Variants in SH3KBP1 observed in about 807,000 individuals in gnomAD.
The protein encoded by SH3KBP1 is SH3 domain-containing kinase-binding protein 1.
Under a neutral mutation model 50.1 loss-of-function variants are expected in SH3KBP1, and 8 were observed. The ratio of observed to expected loss-of-function variants is 0.16; its 90% CI spans 0.09 to 0.29. The LOEUF (loss-of-function observed/expected upper bound fraction) is 0.29. Among genes scored for constraint, SH3KBP1 ranks in the 10% least tolerant of loss-of-function variants. The probability of loss-of-function intolerance (pLI) is 1.00; values close to 1 mark genes in which losing one functional copy is unlikely to be tolerated. For missense variants in SH3KBP1, 377 were observed against 535.2 expected, an observed-to-expected ratio of 0.70 and a Z score of 2.92; for synonymous variants, 227 against 218.6, an observed-to-expected ratio of 1.04 and a Z score of -0.34.
At chrX:19,822,390 T>G (rs2067553451) in intron 2 of SH3KBP1, among the ~76,000 whole-genome samples, 1 of 112,429 alleles carries the variant, frequency 8.9e-6, no homozygotes, top group African/African-American at 3.2e-5. Flanking sequence ...TCAGACTAAG[T>G]AAGTTTCATT....
chrX:19,852,613 G>T, intron 1 of SH3KBP1, among the ~76,000 whole-genome samples: 1 of 89,168 alleles, frequency 1.1e-5, no homozygotes, highest in African/African-American at 4.5e-5. Context: ...TGAGACATAT[G>T]TTCCAGATAC....
chrX:19,707,539 C>T (rs777404280), intron 3 of SH3KBP1, among the ~76,000 whole-genome samples: 2 of 111,546 alleles, frequency 1.8e-5, no homozygotes, highest in Admixed American at 1.9e-4. Flanking sequence ...TCAAACACCC[C>T]CACAGGATTC....
chrX:19,836,567 C>T (rs1409468199), intron 1 of SH3KBP1, among the ~76,000 whole-genome samples: 1 of 111,788 alleles, frequency 8.9e-6, no homozygotes, highest in East Asian at 2.8e-4. Context: ...CAGATAACAA[C>T]ATTTGCCCCA....
rs761622970 is a variant in SH3KBP1, at chrX:19,731,096, C to T, written c.286+15222G>A. On this transcript the variant is annotated intron_variant, in intron 3 of 17. Transcript: ENST00000397821. Reference sequence around the variant, plus strand: ...CTGGGATTACAGGCATGTGTCACCACGCCCGGCTAATTTTGTATTTCTAGT... The same window carrying T: ...CTGGGATTACAGGCATGTGTCACCATGCCCGGCTAATTTTGTATTTCTAGT... Among the ~76,000 whole-genome samples the T allele has an allele frequency of 3.5e-3, 387 of 110,750 alleles. 1 individual carries two copies. The highest frequency in any genetic ancestry group is 9.2e-3 in the Middle Eastern group (2 of 218).
In SH3KBP1 at chrX:19,539,790, C is replaced by A. The variant is rs574879773; in HGVS notation, c.1893-2010G>T. 3.6e-5 allele frequency among the ~76,000 whole-genome samples: 4 copies of A among 111,729 alleles called. No homozygotes were observed. The South Asian group carries it at 1.5e-3, about 43-fold the overall frequency. ...AATACAAGAGACTAGTAGGGACCCA[C>A]TGACCCTGGGCACGAAGGCCAGACT... On this transcript the variant is annotated intron_variant, in intron 16 of 17. Transcript: ENST00000397821.
At chrX:19,589,080 C>G (rs768549284) in intron 11 of SH3KBP1, among the ~76,000 whole-genome samples, 1 of 112,251 alleles carries the variant, frequency 8.9e-6, no homozygotes, top group East Asian at 2.8e-4. Flanking sequence ...GCTCTTCCTT[C>G]GAAGCCTGGC....
intron 5 of SH3KBP1, among the ~76,000 whole-genome samples, chrX:19,694,149 T>C (rs1369093218): frequency 8.9e-6 from 1 of 112,262 alleles, no homozygotes; most frequent in African/African-American, 3.2e-5. Context: ...AATGAATTTA[T>C]TCATGGAAAT....
chrX:19,766,483 CTTTTTTTTTTTTTTTTTTTTTTT>C (rs61439964), intron 2 of SH3KBP1, among the ~76,000 whole-genome samples: 9 of 22,587 alleles, frequency 4.0e-4, no homozygotes, highest in South Asian at 3.3e-3. Flanking sequence ...TTGATTGCAT[CTTTTTTTTTTTTTTTTTTTTTTT>C]TTTTTTTTTT....
At chrX:19,845,330 T>C (rs1351653752) in intron 1 of SH3KBP1, among the ~76,000 whole-genome samples, 5 of 104,886 alleles carry the variant, frequency 4.8e-5, no homozygotes, top group African/African-American at 1.7e-4. Flanking sequence ...TACAAAAAAA[T>C]AGCCGGGCGT....
At chrX:19,678,706 G>A (rs2062983665) in intron 6 of SH3KBP1, among the ~76,000 whole-genome samples, 2 of 111,369 alleles carry the variant, frequency 1.8e-5, no homozygotes, top group South Asian at 7.7e-4. Context: ...TAGATTTGGA[G>A]TGGGGGGCTA....
intron 9 of SH3KBP1, among the ~76,000 whole-genome samples, chrX:19,607,206 T>C (rs1333324847): frequency 8.9e-6 from 1 of 112,224 alleles, no homozygotes; most frequent in African/African-American, 3.2e-5. Context: ...GGACATGAAG[T>C]GGGTTGAGGC....
intron 1 of SH3KBP1, among the ~76,000 whole-genome samples, chrX:19,862,942 G>A (rs772290976): frequency 3.6e-5 from 4 of 111,872 alleles, no homozygotes; most frequent in Non-Finnish European, 7.5e-5. Context: ...TGAAAATATT[G>A]TGCCACCATC....
At chrX:19,590,413 C>T (rs1183354335) in intron 11 of SH3KBP1, among the ~76,000 whole-genome samples, 1 of 111,499 alleles carries the variant, frequency 9.0e-6, no homozygotes, top group Admixed American at 9.5e-5. Context: ...AGGGATTCTA[C>T]GTCCCTCACC....
chrX:19,622,768 C>A (rs2067876998), intron 8 of SH3KBP1, among the ~76,000 whole-genome samples: 2 of 112,351 alleles, frequency 1.8e-5, no homozygotes, highest in African/African-American at 6.5e-5. Flanking sequence ...GAGGGCCAGG[C>A]CGAGTGGCTC....
intron 2 of SH3KBP1, among the ~76,000 whole-genome samples, chrX:19,787,246 T>C (rs2066376409): frequency 1.8e-5 from 2 of 112,059 alleles, no homozygotes; most frequent in Non-Finnish European, 3.8e-5. Flanking sequence ...TTTTTGGCTG[T>C]TTGATGTGAA....
At chrX:19,884,545 G>A (rs1441095403) in intron 1 of SH3KBP1, among the ~76,000 whole-genome samples, 1 of 112,397 alleles carries the variant, frequency 8.9e-6, no homozygotes, top group Non-Finnish European at 1.9e-5. Flanking sequence ...GTACAATTAA[G>A]GTGGGAGCCT....
chrX:19,677,078 A>C (rs2062945712), intron 6 of SH3KBP1, among the ~76,000 whole-genome samples: 1 of 112,037 alleles, frequency 8.9e-6, no homozygotes, highest in African/African-American at 3.2e-5. Flanking sequence ...CCAATAATTA[A>C]GTGGGCCAAG....
chrX:19,857,553 T>C (rs2068679351), intron 1 of SH3KBP1, among the ~76,000 whole-genome samples: 1 of 109,879 alleles, frequency 9.1e-6, no homozygotes, highest in East Asian at 2.9e-4. Flanking sequence ...TGAAACCCCA[T>C]CTCTTTAAAA....
chrX:19,835,119 C>T (rs1314175254), intron 2 of SH3KBP1, among the ~76,000 whole-genome samples: 3 of 110,245 alleles, frequency 2.7e-5, no homozygotes, highest in Non-Finnish European at 5.7e-5. Flanking sequence ...TTCATTCGTT[C>T]AAAGCATTCC....
Sources: gnomAD v4.1 joint callset for allele counts (sites outside exome capture counted in the v4.1 genomes callset) on GRCh38, gnomAD v4.1.1 for gene constraint, MANE v1.5 for transcripts, NCBI Gene and HGNC (gene_info 2026-07-23, HGNC 2026-07-21) for gene names.